Variants in DPP10 observed in about 807,000 individuals in gnomAD.
The protein encoded by DPP10 is inactive dipeptidyl peptidase 10.
DPP10 carries 33 observed loss-of-function variants against 120.9 expected under a neutral mutation model. That is an observed-to-expected ratio of 0.27 (90% CI 0.21 to 0.37). The LOEUF is 0.37. DPP10 is among the 10% of genes least tolerant of loss of function. DPP10 has a pLI of 1.00. For missense variants in DPP10, 816 were observed against 942.8 expected (o/e 0.87, Z 1.76); for synonymous variants, 337 against 326.1 (o/e 1.03, Z -0.36).
chr2:114,996,992 A>AAC (rs1327543590), intron 1 of DPP10, among the ~76,000 whole-genome samples: 1 of 151,584 alleles, frequency 6.6e-6, no homozygotes, highest in African/African-American at 2.4e-5. Context: ...AAAAAAAAAA[A>AAC]AAAAAAAAGA....
intron 3 of DPP10, among the ~76,000 whole-genome samples, chr2:115,465,752 G>A (rs2074289842): frequency 6.6e-6 from 1 of 152,168 alleles, no homozygotes; most frequent in South Asian, 2.1e-4. Context: ...AACCCATAAG[G>A]CAGAGGTTGC....
chr2:115,357,978 G>A (rs187015762), intron 3 of DPP10, among the ~76,000 whole-genome samples: 2,087 of 152,184 alleles, frequency 0.014, 26 homozygotes, highest in Non-Finnish European at 0.021. Context: ...CAGCAGGGGG[G>A]CCTTGGACCC....
At chr2:115,728,149 A>G (rs2092810552) in intron 8 of DPP10, among the ~76,000 whole-genome samples, 1 of 152,080 alleles carries the variant, frequency 6.6e-6, no homozygotes, top group South Asian at 2.1e-4. Context: ...TGTTTGGTGT[A>G]TATATGTACA....
At chr2:114,553,876 C>T (rs566224591) in intron 1 of DPP10, among the ~76,000 whole-genome samples, 2 of 152,324 alleles carry the variant, frequency 1.3e-5, no homozygotes, top group South Asian at 4.1e-4. Flanking sequence ...GCAGCTTCCA[C>T]TGTTTCAGGA....
intron 1 of DPP10, among the ~76,000 whole-genome samples, chr2:114,578,609 A>G (rs551845767): frequency 2.0e-5 from 3 of 152,152 alleles, no homozygotes; most frequent in African/African-American, 7.2e-5. Context: ...TTAGCTCACG[A>G]CAGAAGGAAC....
chr2:115,017,686 G>T (rs1702752565), intron 1 of DPP10, among the ~76,000 whole-genome samples: 2 of 151,786 alleles, frequency 1.3e-5, no homozygotes. Context: ...AAAAAATGAT[G>T]AGTTCATGTC....
intron 1 of DPP10, among the ~76,000 whole-genome samples, chr2:114,510,748 A>T (rs1441375807): frequency 1.3e-5 from 2 of 151,676 alleles, no homozygotes; most frequent in Non-Finnish European, 2.9e-5. Context: ...TGAGACATTC[A>T]TTGGTTTTTC....
Position 115,291,471 on chromosome 2 carries a change from A to G in DPP10, c.61-17768A>G, listed in dbSNP as rs533011509. Among the ~76,000 whole-genome samples the G allele has an allele frequency of 3.9e-5, 6 of 152,186 alleles. No homozygotes were observed. The South Asian group carries it at 1.2e-3, about 31-fold the overall frequency. ...ACCACAAATTTCCAATAGCTGGTAAATTAATGGTGTGTTTTGTCTTTCATC... is the reference window on the plus strand; with the variant it reads ...ACCACAAATTTCCAATAGCTGGTAAGTTAATGGTGTGTTTTGTCTTTCATC... On this transcript the variant is annotated intron_variant, in intron 1 of 25. Transcript: ENST00000410059.
intron 5 of DPP10, among the ~76,000 whole-genome samples, chr2:115,583,391 T>G (rs1259537172): frequency 6.6e-6 from 1 of 152,192 alleles, no homozygotes; most frequent in Non-Finnish European, 1.5e-5. Context: ...CGGAGATTGC[T>G]TGATAGTGTT....
intron 3 of DPP10, among the ~76,000 whole-genome samples, chr2:115,383,122 G>C (rs982888937): frequency 7.2e-5 from 11 of 152,202 alleles, no homozygotes; most frequent in African/African-American, 2.7e-4. Context: ...TGAGTTTTCA[G>C]ATTAAAGAAT....
chr2:114,999,837 G>A (rs1701324759), intron 1 of DPP10, among the ~76,000 whole-genome samples: 1 of 151,880 alleles, frequency 6.6e-6, no homozygotes, highest in South Asian at 2.1e-4. Context: ...TTGATGTGGG[G>A]AAAAGCAAAG....
At chr2:115,512,412 T>C (rs1027438265) in intron 4 of DPP10, among the ~76,000 whole-genome samples, 3 of 152,250 alleles carry the variant, frequency 2.0e-5, no homozygotes, top group Non-Finnish European at 2.9e-5. Context: ...ATTACAGATA[T>C]GAGCCACTGC....
At chr2:115,265,124 G>T (rs1196222632) in intron 1 of DPP10, among the ~76,000 whole-genome samples, 1 of 152,036 alleles carries the variant, frequency 6.6e-6, no homozygotes, top group Admixed American at 6.6e-5. Context: ...ATAACCTTGG[G>T]TTGAGGTCTC....
intron 5 of DPP10, among the ~76,000 whole-genome samples, chr2:115,676,831 C>A (rs1559016717): frequency 6.6e-6 from 1 of 152,132 alleles, no homozygotes; most frequent in East Asian, 1.9e-4. Context: ...ATGCAGATAA[C>A]AAGCTCAAAT....
chr2:114,530,480 G>T (rs1316748901), intron 1 of DPP10, among the ~76,000 whole-genome samples: 1 of 152,048 alleles, frequency 6.6e-6, no homozygotes. Context: ...CTGACTTGAG[G>T]AGTTTGGGAA....
intron 1 of DPP10, among the ~76,000 whole-genome samples, chr2:114,480,170 C>A (rs1485510321): frequency 6.6e-6 from 1 of 151,684 alleles, no homozygotes; most frequent in African/African-American, 2.4e-5. Flanking sequence ...CATCTCACAC[C>A]AGTTAGAATG....
intron 1 of DPP10, among the ~76,000 whole-genome samples, chr2:114,787,677 G>T (rs1277547236): frequency 6.6e-6 from 1 of 152,130 alleles, no homozygotes; most frequent in Admixed American, 6.5e-5. Context: ...GTGTGTATGT[G>T]CCTCTAAGAC....
At chr2:114,682,569 A>AATT (rs143088528) in intron 1 of DPP10, among the ~76,000 whole-genome samples, 12,990 of 149,104 alleles carry the variant, frequency 0.087, 797 homozygotes, top group East Asian at 0.24. Context: ...ATCGATGGGT[A>AATT]ATTATTATTA....
At chr2:115,673,883 G>A (rs146026874) in intron 5 of DPP10, among the ~76,000 whole-genome samples, 2,568 of 152,144 alleles carry the variant, frequency 0.017, 54 homozygotes, top group Non-Finnish European at 0.027. Context: ...TTTATGATTC[G>A]GAAAATTTGA....
Sources: allele counts gnomAD v4.1 joint callset (sites outside exome capture counted in the v4.1 genomes callset), GRCh38; gene constraint gnomAD v4.1.1; transcripts MANE v1.5; gene names NCBI Gene and HGNC (gene_info 2026-07-23, HGNC 2026-07-21).